RRAS2: variants seen among roughly 807,000 people sequenced by gnomAD.
The protein encoded by RRAS2 is RAS related 2.
RRAS2 carries 7 observed loss-of-function variants against 27.6 expected under a neutral mutation model. The ratio of observed to expected loss-of-function variants is 0.25; its 90% CI spans 0.14 to 0.48. The LOEUF (loss-of-function observed/expected upper bound fraction) is 0.48, where lower values mean the gene tolerates loss of function less well. Among genes scored for constraint, RRAS2 ranks in the 20% least tolerant of loss-of-function variants. The pLI, the probability that RRAS2 is intolerant of heterozygous loss-of-function variation, is 0.99. For synonymous variants in RRAS2, 86 were observed against 90.9 expected, an observed-to-expected ratio of 0.95 and a Z score of 0.31; for missense variants, 178 against 256.2, an observed-to-expected ratio of 0.69 and a Z score of 2.08.
intron 1 of RRAS2, among the ~76,000 whole-genome samples, chr11:14,313,441 G>GT (rs1848024415): frequency 6.6e-6 from 1 of 152,232 alleles, no homozygotes; most frequent in Non-Finnish European, 1.5e-5. Context: ...TGCAGGAAGA[G>GT]GCTTGCTCAC....
intron 1 of RRAS2, among the ~76,000 whole-genome samples, chr11:14,342,442 C>G (rs781935541): frequency 1.3e-5 from 2 of 152,142 alleles, no homozygotes; most frequent in African/African-American, 4.8e-5. Flanking sequence ...AGGGTTGTAA[C>G]TGGTAGAAAA....
intron 1 of RRAS2, among the ~76,000 whole-genome samples, chr11:14,356,280 T>C (rs1429524962): frequency 1.3e-5 from 2 of 152,062 alleles, no homozygotes; most frequent in Non-Finnish European, 2.9e-5. Flanking sequence ...TGCCACCTCC[T>C]CTCTCCAAAC....
rs1399211479 is a variant in RRAS2, at chr11:14,358,253, G to A, written c.108+510C>T. 2 of 985,402 alleles carry A rather than the reference G, an allele frequency of 2.0e-6. No individual in the cohort carries two copies. The highest frequency in any genetic ancestry group is 3.5e-5 in the African/African-American group (2 of 57,260). 61.0% of individuals were successfully genotyped at this position (985,402 alleles called of 1,614,324 possible). ...TAACACACACACAAAGAAATACACAGTACTTGAAGCGGGCAGCTCCGGCTC... is the reference window on the plus strand; with the variant it reads ...TAACACACACACAAAGAAATACACAATACTTGAAGCGGGCAGCTCCGGCTC... On this transcript the variant is annotated intron_variant, in intron 1 of 5. Transcript: ENST00000256196. This position sits in a 1 kb window ranked among gnomAD's most constrained non-coding sequence, Gnocchi z 5.1.
At chr11:14,293,352 A>C (rs973141983) in intron 4 of RRAS2, among the ~76,000 whole-genome samples, 4 of 151,746 alleles carry the variant, frequency 2.6e-5, no homozygotes, top group African/African-American at 9.7e-5. Flanking sequence ...TATAAAAACA[A>C]GAATACTTAA....
intron 4 of RRAS2, among the ~76,000 whole-genome samples, chr11:14,283,663 C>T (rs1487344005): frequency 6.6e-6 from 1 of 151,942 alleles, no homozygotes; most frequent in Non-Finnish European, 1.5e-5. Context: ...GTAATATGTC[C>T]ATTTCATTTA....
At position 14,358,707 on chromosome 11, in the gene RRAS2, G is replaced by T; in HGVS notation, c.108+56C>A. ...CGCGGCGGCCGCCCCGCCACAGGTA[G>T]CGCCAGCCCCCGCCCGCCGCCGCTC... On this transcript the variant is annotated intron_variant, in intron 1 of 5. Coordinates refer to ENST00000256196, the MANE Select transcript of RRAS2 (RefSeq NM_012250.6). The surrounding 1 kb of genome is among the most constrained non-coding windows in gnomAD (Gnocchi z 5.1). 8.9e-7 allele frequency: 1 copy of T among 1,126,926 alleles called. No individual in the cohort carries two copies. 69.8% of individuals were successfully genotyped at this position (1,126,926 alleles called of 1,614,324 possible). A position where few individuals can be genotyped will look rare whatever the true frequency, so the allele number is the denominator to read the frequency against.
intron 1 of RRAS2, among the ~76,000 whole-genome samples, chr11:14,337,358 T>TG (rs1848609599): frequency 1.3e-5 from 2 of 152,184 alleles, no homozygotes; most frequent in Non-Finnish European, 2.9e-5. Context: ...GACATTATCA[T>TG]GCCTCAACAA....
intron 1 of RRAS2, among the ~76,000 whole-genome samples, chr11:14,304,470 T>C (rs946992928): frequency 1.3e-5 from 2 of 152,254 alleles, no homozygotes; most frequent in African/African-American, 2.4e-5. Context: ...GAGGATAACT[T>C]GGCACCTACT....
intron 4 of RRAS2, among the ~76,000 whole-genome samples, chr11:14,282,167 A>T (rs1382794764): frequency 1.3e-5 from 2 of 152,178 alleles, no homozygotes; most frequent in African/African-American, 4.8e-5. Context: ...GTGTGAGGCC[A>T]TGAGAGTGAA....
At chr11:14,311,726 T>C (rs1468797936) in intron 1 of RRAS2, among the ~76,000 whole-genome samples, 1 of 152,160 alleles carries the variant, frequency 6.6e-6, no homozygotes, top group Non-Finnish European at 1.5e-5. Flanking sequence ...GGAAAATTAT[T>C]TCAATAATAT....
At chr11:14,312,384 GAATAAAA>G (rs1554948991) in intron 1 of RRAS2, among the ~76,000 whole-genome samples, 1 of 152,144 alleles carries the variant, frequency 6.6e-6, no homozygotes, top group Non-Finnish European at 1.5e-5. Flanking sequence ...TTCTGAATAA[GAATAAAA>G]CCAGCATAAT....
intron 4 of RRAS2, among the ~76,000 whole-genome samples, chr11:14,294,217 TA>T (rs782212891): frequency 1.3e-5 from 2 of 152,252 alleles, no homozygotes; most frequent in Admixed American, 6.5e-5. Flanking sequence ...CTTGCAGGCT[TA>T]TAAAGTCTTA....
chr11:14,279,335 T>C lies in RRAS2; in HGVS notation c.*2A>G, dbSNP rs781943617. 6.9e-6 allele frequency: 11 copies of C among 1,599,168 alleles called. No individual in the cohort carries two copies. The highest frequency in any genetic ancestry group is 2.2e-5 in the East Asian group (1 of 44,782). ...CCGTTGGTAGCTAAAACTGAAGGGA[T>C]TCTAGAAAATGACACAATGGCAGCC... On this transcript the variant is annotated 3_prime_UTR_variant, in exon 6 of 6. Coordinates refer to ENST00000256196, the MANE Select transcript of RRAS2 (RefSeq NM_012250.6).
At chr11:14,298,474 A>G (rs1847615621) in intron 1 of RRAS2, among the ~76,000 whole-genome samples, 2 of 152,156 alleles carry the variant, frequency 1.3e-5, no homozygotes. Flanking sequence ...AGTATAATAA[A>G]CTGTTTTACC....
intron 1 of RRAS2, chr11:14,342,107 A>C: frequency 3.5e-6 from 1 of 289,270 alleles, no homozygotes; most frequent in Non-Finnish European, 5.6e-6. Context: ...GTGAAACCTC[A>C]CCCTTCCCTC....
chr11:14,343,241 G>A (rs1403901608), intron 1 of RRAS2, among the ~76,000 whole-genome samples: 1 of 152,130 alleles, frequency 6.6e-6, no homozygotes, highest in Non-Finnish European at 1.5e-5. Context: ...TGAGGAAGGA[G>A]ACAAAATAAA....
At chr11:14,340,447 G>A (rs1039506468) in intron 1 of RRAS2, among the ~76,000 whole-genome samples, 1 of 151,718 alleles carries the variant, frequency 6.6e-6, no homozygotes, top group Non-Finnish European at 1.5e-5. Flanking sequence ...AAACTACCAA[G>A]AGCCCTTTAC....
At chr11:14,280,575 G>A (rs1274517682) in intron 5 of RRAS2, among the ~76,000 whole-genome samples, 20 of 151,444 alleles carry the variant, frequency 1.3e-4, no homozygotes, top group Admixed American at 6.6e-4. Flanking sequence ...AAAATACAAA[G>A]ATTAGCTGGA....
At chr11:14,279,554 TTCTC>T (rs1447708298) in intron 5 of RRAS2, 130 bp from the exon 6 acceptor site, 4 of 706,632 alleles carry the variant, frequency 5.7e-6, no homozygotes, top group Admixed American at 2.4e-5. Flanking sequence ...ACGAGGGAAT[TTCTC>T]TCTTTCCTAC....
Sources: gnomAD v4.1 joint callset for allele counts (sites outside exome capture counted in the v4.1 genomes callset) on GRCh38, gnomAD v4.1.1 for gene constraint, Gnocchi (gnomAD v3.1) non-coding constraint, MANE v1.5 for transcripts, NCBI Gene and HGNC (gene_info 2026-07-23, HGNC 2026-07-21) for gene names.